The following CHST12 variants were observed in gnomAD, a reference collection of about 807,000 sequenced individuals.
CHST12 encodes the protein carbohydrate (chondroitin 4) sulfotransferase 12.
Under a neutral mutation model 27.9 loss-of-function variants are expected in CHST12, and 23 were observed. The ratio of observed to expected loss-of-function variants is 0.82; its 90% CI spans 0.59 to 1.17. CHST12 has a LOEUF of 1.17. Among genes scored for constraint, CHST12 ranks in the 50% most tolerant of loss-of-function variants. The pLI is 0.00. For synonymous variants in CHST12, 322 were observed against 273.0 expected, an observed-to-expected ratio of 1.18 and a Z score of -1.77; for missense variants, 682 against 603.0, an observed-to-expected ratio of 1.13 and a Z score of -1.37.
chr7:2,426,634 T>G (rs1782128542), intron 1 of CHST12, among the ~76,000 whole-genome samples: 1 of 148,662 alleles, frequency 6.7e-6, no homozygotes, highest in African/African-American at 2.5e-5. Context: ...AGCTGTAGGT[T>G]TTTTTTTTTA....
chr7:2,423,902 A>C (rs987868064), intron 1 of CHST12, among the ~76,000 whole-genome samples: 3 of 152,064 alleles, frequency 2.0e-5, no homozygotes, highest in African/African-American at 7.2e-5. Flanking sequence ...CCCTGTCTCT[A>C]CCCAGAATAC....
chr7:2,411,777 C>T (rs998925075), intron 1 of CHST12, among the ~76,000 whole-genome samples: 3 of 152,200 alleles, frequency 2.0e-5, no homozygotes, highest in Non-Finnish European at 4.4e-5. Flanking sequence ...CCACTGTGCC[C>T]AGCCACGAAT....
At chr7:2,424,490 T>C (rs1010904555) in intron 1 of CHST12, among the ~76,000 whole-genome samples, 1 of 152,006 alleles carries the variant, frequency 6.6e-6, no homozygotes, top group African/African-American at 2.4e-5. Flanking sequence ...GTCCAGTGCG[T>C]GAGAGGCAGA....
Position 2,439,100 on chromosome 7 carries a change from C to G in CHST12, c.*5216C>G, listed in dbSNP as rs1782542145. 6.6e-6 allele frequency: 1 copy of G among 152,232 alleles called. No homozygotes were observed. The highest frequency in any genetic ancestry group is 1.9e-4 in the East Asian group (1 of 5,204). The allele number at this position is 152,232 out of a possible 1,614,324, so 9.4% of individuals were successfully genotyped here. ...GTGCGCCTCCAGGAATTTGCACTCG[C>G]TTCAGCTGATTTGGGTTGGATTTCT... On this transcript the variant is annotated 3_prime_UTR_variant, in exon 2 of 2. Transcript: ENST00000618655.
rs755678792 is a variant in CHST12, at chr7:2,432,676, C to G, written c.37C>G (p.Leu13Val). 1.9e-4 allele frequency: 305 copies of G among 1,612,772 alleles called. No homozygotes were observed. The highest frequency in any genetic ancestry group is 2.4e-4 in the Non-Finnish European group (287 of 1,179,240). ...CCGGCTGTTCCGGCTGTGGCTGGTG[C>G]TGGGGTCGGTGTTCATGATCCTGCT... Reference protein sequence around the residue: ...KARLFRLWLVLGSVFMILLII... With the variant: ...KARLFRLWLVVGSVFMILLII... The change falls in exon 2 of 2, where the codon CTG becomes GTG. Residue 13 changes from leucine (L) to valine (V), a missense_variant. Coordinates refer to ENST00000618655, the MANE Select transcript of CHST12 (RefSeq NM_018641.5).
chr7:2,432,333 A>G (rs1782293547), intron 1 of CHST12, among the ~76,000 whole-genome samples: 1 of 151,904 alleles, frequency 6.6e-6, no homozygotes, highest in African/African-American at 2.4e-5. Context: ...ACTGCCAGCC[A>G]GGGAAGCACG....
Position 2,438,601 on chromosome 7 carries a change from T to G in CHST12, c.*4717T>G, listed in dbSNP as rs908179482. ...ACATCCTCTTCTATCCTACCAAACC[T>G]AAGAATATCAAAAGGGAAAGCTTGG... On this transcript the variant is annotated 3_prime_UTR_variant, in exon 2 of 2. Coordinates refer to ENST00000618655, the MANE Select transcript of CHST12 (RefSeq NM_018641.5). The G allele has an allele frequency of 6.6e-6, 1 of 152,206 alleles. No individual in the cohort carries two copies. Among genetic ancestry groups the G allele is most frequent in the South Asian group, 2.1e-4 (1 of 4,814 alleles). The allele number at this position is 152,206 out of a possible 1,614,324, so 9.4% of individuals were successfully genotyped here. A position where few individuals can be genotyped will look rare whatever the true frequency, so the allele number is the denominator to read the frequency against.
At chr7:2,408,313 G>A (rs1781574306) in intron 1 of CHST12, among the ~76,000 whole-genome samples, 1 of 143,184 alleles carries the variant, frequency 7.0e-6, no homozygotes, top group South Asian at 2.2e-4. Context: ...GGTAAGTGGA[G>A]ATCATGCCAT....
chr7:2,419,758 T>A (rs984825441), intron 1 of CHST12, among the ~76,000 whole-genome samples: 3 of 151,818 alleles, frequency 2.0e-5, no homozygotes, highest in Non-Finnish European at 4.4e-5. Context: ...GCATGCAGTT[T>A]GGTGGTGTTA....
At chr7:2,419,094 G>A (rs1274416775) in intron 1 of CHST12, among the ~76,000 whole-genome samples, 1 of 152,192 alleles carries the variant, frequency 6.6e-6, no homozygotes, top group African/African-American at 2.4e-5. Flanking sequence ...CACCATGTCT[G>A]GCTGTCCAAA....
rs144409928 is a variant in CHST12, at chr7:2,417,811, C to G, written c.-78+14138C>G. ...TGTTACTCTCCTCCAGAAACATGCT[C>G]ACAGACGCAGTCAGAGTATGCTTAA... On this transcript the variant is annotated intron_variant, in intron 1 of 1. Coordinates refer to ENST00000618655, the MANE Select transcript of CHST12 (RefSeq NM_018641.5). Among the ~76,000 whole-genome samples the G allele has an allele frequency of 5.1e-3, 774 of 152,348 alleles. 6 individuals are homozygous for G. Among genetic ancestry groups the G allele is most frequent in the African/African-American group, 0.017 (724 of 41,572 alleles).
chr7:2,416,878 C>T (rs1426983931), intron 1 of CHST12, among the ~76,000 whole-genome samples: 1 of 152,128 alleles, frequency 6.6e-6, no homozygotes, highest in Non-Finnish European at 1.5e-5. Context: ...GAGTCACATA[C>T]GCCTTCTCCG....
chr7:2,423,744 A>G (rs926798871), intron 1 of CHST12, among the ~76,000 whole-genome samples: 1 of 152,174 alleles, frequency 6.6e-6, no homozygotes, highest in African/African-American at 2.4e-5. Context: ...CCCTCTGTAC[A>G]CTGAGCTTTT....
intron 1 of CHST12, chr7:2,404,179 A>G (rs963029397): frequency 2.6e-5 from 4 of 152,272 alleles, no homozygotes; most frequent in Admixed American, 6.5e-5. Flanking sequence ...GCAGCCCTGG[A>G]GCCTGCAGAC....
rs146540649 is a variant in CHST12 at position 2,433,272 on chromosome 7, C to T, written c.633C>T (p.Ser211=). 9.9e-6 allele frequency: 16 copies of T among 1,611,850 alleles called. No individual in the cohort carries two copies. Among genetic ancestry groups the T allele is most frequent in the East Asian group, 4.5e-5 (2 of 44,816 alleles). ...CGCGCGAGCACGTGCACAACGCCAG[C>T]GCGCACCTGACCTTCAACAAGTTCT... ...RIPREHVHNA[S]AHLTFNKFWR... is the part of the protein sequence containing the mutation. The change falls in exon 2 of 2, where the codon AGC becomes AGT. Residue 211 remains serine, a synonymous_variant. Coordinates refer to ENST00000618655, the MANE Select transcript of CHST12 (RefSeq NM_018641.5). The surrounding 1 kb of genome is among the most constrained non-coding windows in gnomAD (Gnocchi z 6.1).
chr7:2,420,800 A>G (rs1781953893), intron 1 of CHST12, among the ~76,000 whole-genome samples: 1 of 151,878 alleles, frequency 6.6e-6, no homozygotes, highest in Non-Finnish European at 1.5e-5. Context: ...AAGAACAACA[A>G]CCTTGCTTTC....
At chr7:2,403,830 T>C (rs1428475219) in intron 1 of CHST12, among the ~76,000 whole-genome samples, 157 bp downstream of exon 1, 1 of 151,598 alleles carries the variant, frequency 6.6e-6, no homozygotes, top group East Asian at 2.0e-4. Flanking sequence ...GGGCCTGGGT[T>C]CGAGTTCCCG....
chr7:2,433,869 C>A lies in CHST12; in HGVS notation c.1230C>A (p.Asn410Lys). 5 of 1,575,614 alleles carry A rather than the reference C, an allele frequency of 3.2e-6. No individual in the cohort carries two copies. Among genetic ancestry groups the A allele is most frequent in the Non-Finnish European group, 4.3e-6 (5 of 1,155,646 alleles). The stretch of plus-strand genomic sequence containing the variant: ...TCTTCGGCTACCCCAAGCCCGAAAA[C>A]CTCCTCCGAGACTGAAAGCTTTCGC... ...FVLFGYPKPE[N>K]LLRD Residue 410 changes from asparagine (N) to lysine (K), a missense_variant, in exon 2 of 2, where the codon AAC (asparagine) becomes AAA (lysine). Transcript: ENST00000618655. This position sits in a 1 kb window ranked among gnomAD's most constrained non-coding sequence, Gnocchi z 6.1.
chr7:2,440,999 GCTCT>G lies in CHST12; in HGVS notation c.*7117_*7120del, dbSNP rs1782590297. On this transcript the variant is annotated 3_prime_UTR_variant, in exon 2 of 2. Transcript: ENST00000618655. The stretch of plus-strand genomic sequence containing the variant: ...CTTGCTTAGGAGAGACACGGCTGTG[GCTCT>G]CAGGCTGTGGGGCAATGTTCTGCTT... 6.6e-6 allele frequency: 1 copy of G among 152,156 alleles called. No individual in the cohort carries two copies. The highest frequency in any genetic ancestry group is 1.5e-5 in the Non-Finnish European group (1 of 68,026). The allele number at this position is 152,156 out of a possible 1,614,324, so 9.4% of individuals were successfully genotyped here. A position where few individuals can be genotyped will look rare whatever the true frequency, so the allele number is the denominator to read the frequency against.
Sources: gnomAD v4.1 joint callset for allele counts (sites outside exome capture counted in the v4.1 genomes callset) on GRCh38, gnomAD v4.1.1 for gene constraint, Gnocchi (gnomAD v3.1) non-coding constraint, MANE v1.5 for transcripts, NCBI Gene and HGNC (gene_info 2026-07-23, HGNC 2026-07-21) for gene names.